The following CYTH1 variants were observed in gnomAD, a reference collection of about 807,000 sequenced individuals.
CYTH1 encodes the protein cytohesin 1.
A neutral mutation model predicts 61.8 loss-of-function variants in CYTH1; 18 were observed. That is an observed-to-expected ratio of 0.29 (90% CI 0.20 to 0.43). CYTH1 has a LOEUF of 0.43. CYTH1 is among the 20% of genes least tolerant of loss of function. The probability of loss-of-function intolerance (pLI) is 1.00; values close to 1 mark genes in which losing one functional copy is unlikely to be tolerated. For missense variants in CYTH1, 336 were observed against 510.5 expected (o/e 0.66, Z 3.29); for synonymous variants, 174 against 184.3 (o/e 0.94, Z 0.45).
chr17:78,734,308 C>T (rs1455655397), intron 1 of CYTH1, among the ~76,000 whole-genome samples: 1 of 150,744 alleles, frequency 6.6e-6, no homozygotes, highest in Non-Finnish European at 1.5e-5. Context: ...ATAATAATAA[C>T]TTATGGCAGT....
At chr17:78,772,779 G>A (rs956530567) in intron 1 of CYTH1, among the ~76,000 whole-genome samples, 2 of 151,810 alleles carry the variant, frequency 1.3e-5, no homozygotes, top group African/African-American at 4.8e-5. Context: ...CTCATGATCC[G>A]GCCACCTTGG....
intron 13 of CYTH1, 29 bp downstream of exon 13, chr17:78,680,161 C>T (rs1204905982): frequency 7.4e-6 from 12 of 1,612,684 alleles, no homozygotes; most frequent in Non-Finnish European, 1.0e-5. Context: ...GCACCAGGCG[C>T]GCACTGCCCT....
intron 11 of CYTH1, among the ~76,000 whole-genome samples, chr17:78,684,793 G>A (rs1450073311): frequency 6.6e-6 from 1 of 151,986 alleles, no homozygotes; most frequent in Non-Finnish European, 1.5e-5. Context: ...TTTAACAGGG[G>A]GAAAAAAGGA....
rs76516689 is a variant in CYTH1, at chr17:78,714,919, T to C, written c.23-5187A>G. 6.3e-3 allele frequency among the ~76,000 whole-genome samples: 953 copies of C among 150,758 alleles called. 44 individuals are homozygous for C. In the East Asian group the frequency reaches 0.12, roughly 19 times the overall value. On this transcript the variant is annotated intron_variant, in intron 1 of 13. Transcript: ENST00000446868. ...ACAGAAAACTCTGGAAAAGGGACAA[T>C]TACAGAAAAAGAATACGGCCTTGCA...
intron 1 of CYTH1, among the ~76,000 whole-genome samples, chr17:78,727,140 C>T (rs368923790): frequency 2.0e-5 from 3 of 152,326 alleles, no homozygotes; most frequent in African/African-American, 2.4e-5. Flanking sequence ...CCCAAACCCA[C>T]GAATTCACAA....
rs1298779159 is a variant in CYTH1, at chr17:78,675,279, C to T, written c.*812G>A. Reference sequence around the variant, plus strand: ...GAAAATAACGTAAGCGTCCAGTCAGCTCTCTCCTCTCCTCGGCGCTCCGCA... The same window carrying T: ...GAAAATAACGTAAGCGTCCAGTCAGTTCTCTCCTCTCCTCGGCGCTCCGCA... On this transcript the variant is annotated 3_prime_UTR_variant, in exon 14 of 14. Coordinates refer to ENST00000446868, the MANE Select transcript of CYTH1 (RefSeq NM_004762.6). 2.6e-5 allele frequency: 4 copies of T among 152,416 alleles called. No homozygotes were observed. Among genetic ancestry groups the T allele is most frequent in the Admixed American group, 2.0e-4 (3 of 15,310 alleles). 9.4% of individuals were successfully genotyped at this position (152,416 alleles called of 1,614,324 possible).
intron 1 of CYTH1, among the ~76,000 whole-genome samples, chr17:78,730,301 G>A (rs1042232179): frequency 6.7e-6 from 1 of 149,726 alleles, no homozygotes; most frequent in Non-Finnish European, 1.5e-5. Flanking sequence ...TGAGATGGGC[G>A]GATCACGAGG....
At chr17:78,752,234 T>C (rs1343201217) in intron 1 of CYTH1, among the ~76,000 whole-genome samples, 2 of 152,208 alleles carry the variant, frequency 1.3e-5, no homozygotes, top group African/African-American at 4.8e-5. Flanking sequence ...TTCTAGTAGG[T>C]TTAGAGCTTG....
At chr17:78,770,897 G>A (rs543828511) in intron 1 of CYTH1, among the ~76,000 whole-genome samples, 30 of 152,110 alleles carry the variant, frequency 2.0e-4, no homozygotes, top group Non-Finnish European at 4.4e-4. Flanking sequence ...GGAGGCCAAG[G>A]CAGGCATATT....
chr17:78,702,625 C>A, intron 3 of CYTH1, 21 bp from the exon 4 acceptor site: 2 of 1,612,980 alleles, frequency 1.2e-6, no homozygotes, highest in East Asian at 4.5e-5. Context: ...ACCATCACAG[C>A]CATTTTAGTA....
chr17:78,679,453 A>G (rs2092734756), intron 13 of CYTH1, among the ~76,000 whole-genome samples: 1 of 152,210 alleles, frequency 6.6e-6, no homozygotes, highest in Non-Finnish European at 1.5e-5. Context: ...CAAAGTCAGA[A>G]TGCTCACTGC....
At chr17:78,763,375 T>C (rs985193103) in intron 1 of CYTH1, among the ~76,000 whole-genome samples, 1 of 152,040 alleles carries the variant, frequency 6.6e-6, no homozygotes, top group Non-Finnish European at 1.5e-5. Flanking sequence ...AACACCTTAA[T>C]ACTTCCTAGA....
At chr17:78,780,028 G>A (rs1275616896) in intron 1 of CYTH1, among the ~76,000 whole-genome samples, 1 of 152,242 alleles carries the variant, frequency 6.6e-6, no homozygotes, top group African/African-American at 2.4e-5. Flanking sequence ...GCCCACGGCA[G>A]CAGGCAAGAA....
Position 78,675,186 on chromosome 17 carries a change from G to A in CYTH1, c.*905C>T, listed in dbSNP as rs1428071576. 2.6e-5 allele frequency: 4 copies of A among 152,198 alleles called. No homozygotes were observed. The highest frequency in any genetic ancestry group is 5.9e-5 in the Non-Finnish European group (4 of 68,038). The allele number at this position is 152,198 out of a possible 1,614,324, so 9.4% of individuals were successfully genotyped here. On this transcript the variant is annotated 3_prime_UTR_variant, in exon 14 of 14. Transcript: ENST00000446868. ...CCTTCCTCACAGTTTTGGTTATTAGGTATTTAGCTCAAGGAAAATGCTGAC... is the reference window on the plus strand; with the variant it reads ...CCTTCCTCACAGTTTTGGTTATTAGATATTTAGCTCAAGGAAAATGCTGAC...
rs1491523184 is a variant in CYTH1 at position 78,760,461 on chromosome 17, A to ATATATATG, written c.22+21740_22+21741insCATATATA. Among the ~76,000 whole-genome samples the ATATATATG allele has an allele frequency of 3.9e-5, 2 of 51,516 alleles. 1 individual carries two copies. The highest frequency in any genetic ancestry group is 1.7e-4 in the African/African-American group (2 of 11,638). 33.8% of individuals were successfully genotyped at this position (51,516 alleles called of 152,430 possible). On this transcript the variant is annotated intron_variant, in intron 1 of 13. Transcript: ENST00000446868. The stretch of plus-strand genomic sequence containing the variant: ...TATATATGTATATATATATACATAC[A>ATATATATG]TATATATATGTATATATATGTATGT...
At chr17:78,778,397 G>A (rs1287036234) in intron 1 of CYTH1, among the ~76,000 whole-genome samples, 2 of 150,360 alleles carry the variant, frequency 1.3e-5, no homozygotes, top group East Asian at 4.0e-4. Context: ...CAGCACTTTG[G>A]GAGGCCAAGG....
intron 11 of CYTH1, among the ~76,000 whole-genome samples, 177 bp from the exon 12 acceptor site, chr17:78,681,219 G>A (rs909513616): frequency 6.6e-6 from 1 of 152,158 alleles, no homozygotes; most frequent in African/African-American, 2.4e-5. Context: ...AATGTCTGAG[G>A]ATTGTCAATA....
intron 11 of CYTH1, chr17:78,691,707 C>T (rs899072294): frequency 2.6e-5 from 4 of 152,184 alleles, no homozygotes; most frequent in South Asian, 2.1e-4. Flanking sequence ...ATCACCAGTC[C>T]GGTGAGCCAC....
chr17:78,760,355 T>TTATATATATATATATATATATA (rs370393556), intron 1 of CYTH1, among the ~76,000 whole-genome samples: 10 of 52,266 alleles, frequency 1.9e-4, no homozygotes, highest in African/African-American at 6.5e-4. Context: ...AATAGCAGGT[T>TTATATATATATATATATATATA]TATATATATA....
Sources: gnomAD v4.1 joint callset for allele counts (sites outside exome capture counted in the v4.1 genomes callset) on GRCh38, gnomAD v4.1.1 for gene constraint, MANE v1.5 for transcripts, NCBI Gene and HGNC (gene_info 2026-07-23, HGNC 2026-07-21) for gene names.